The following CLMN variants were observed in gnomAD, a reference collection of about 807,000 sequenced individuals.
CLMN encodes the protein calmin, also known as calmin (calponin-like, transmembrane).
In CLMN, 57 loss-of-function variants were observed where a neutral mutation model predicts 92.7. The ratio of observed to expected loss-of-function variants is 0.61; its 90% CI spans 0.50 to 0.77. The LOEUF is 0.77. Ranked by LOEUF, CLMN falls within the 30% of genes least tolerant of loss-of-function variation. The probability of loss-of-function intolerance (pLI) is 0.00; values close to 1 mark genes in which losing one functional copy is unlikely to be tolerated. For missense variants in CLMN, 1,158 were observed against 1,237.5 expected, an observed-to-expected ratio of 0.94 and a Z score of 0.96; for synonymous variants, 466 against 470.6, an observed-to-expected ratio of 0.99 and a Z score of 0.13.
At chr14:95,311,842 C>CAG (rs1901555478) in intron 1 of CLMN, among the ~76,000 whole-genome samples, 1 of 151,988 alleles carries the variant, frequency 6.6e-6, no homozygotes, top group Non-Finnish European at 1.5e-5. Context: ...TCCAGGGATA[C>CAG]AGAACATAGA....
At chr14:95,272,023 A>C (rs1183000679) in intron 1 of CLMN, among the ~76,000 whole-genome samples, 13 of 152,210 alleles carry the variant, frequency 8.5e-5, no homozygotes, top group African/African-American at 3.1e-4. Context: ...TGTGACTATT[A>C]TGCAATTAAT....
chr14:95,195,666 G>A (rs1235052541), intron 10 of CLMN, among the ~76,000 whole-genome samples: 1 of 152,244 alleles, frequency 6.6e-6, no homozygotes, highest in Non-Finnish European at 1.5e-5. Context: ...GAAGTTACCT[G>A]GCCCCCTGAC....
chr14:95,280,949 C>T (rs1407130842), intron 1 of CLMN, among the ~76,000 whole-genome samples: 2 of 152,140 alleles, frequency 1.3e-5, no homozygotes, highest in Non-Finnish European at 2.9e-5. Context: ...CATCCACAGA[C>T]AATTGTTATC....
chr14:95,319,222 C>T (rs917317602), intron 1 of CLMN, among the ~76,000 whole-genome samples: 2 of 152,224 alleles, frequency 1.3e-5, no homozygotes, highest in East Asian at 3.9e-4. Context: ...CCCCTGGCCC[C>T]GCTTTCCCCA....
In CLMN at chr14:95,210,708, G is replaced by A. The variant is rs1262057993; in HGVS notation, c.780C>T (p.Ile260=). The change falls in exon 7 of 13, where the codon ATC becomes ATT. Residue 260 remains isoleucine (I), a synonymous_variant. Coordinates refer to ENST00000298912, the MANE Select transcript of CLMN (RefSeq NM_024734.4). ...TACCTTCTGGCTCCAGGAGCCTGGGGATGTGCAGGGCATCCTGTGCGATGC... is the reference window on the plus strand; with the variant it reads ...TACCTTCTGGCTCCAGGAGCCTGGGAATGTGCAGGGCATCCTGTGCGATGC... The part of the protein sequence containing the change: ...AFSIAQDALH[I]PRLLEPEDIM... The A allele has an allele frequency of 6.2e-7, 1 of 1,606,284 alleles. No individual in the cohort carries two copies. The highest frequency in any genetic ancestry group is 8.5e-7 in the Non-Finnish European group (1 of 1,176,898).
intron 8 of CLMN, among the ~76,000 whole-genome samples, chr14:95,208,029 G>A (rs1044518447): frequency 1.3e-5 from 2 of 152,192 alleles, no homozygotes; most frequent in Non-Finnish European, 2.9e-5. Flanking sequence ...ATGATACTGA[G>A]CCATGCTGGA....
At chr14:95,319,661 C>T (rs1240986015) in intron 1 of CLMN, 50 bp downstream of exon 1, 3 of 1,472,566 alleles carry the variant, frequency 2.0e-6, no homozygotes, top group Non-Finnish European at 2.8e-6. Context: ...AGCGGCGCCC[C>T]GGGCCCCCCG....
chr14:95,293,234 CTCCCTCCTTCCT>C (rs1311333414), intron 1 of CLMN, among the ~76,000 whole-genome samples: 1 of 75,908 alleles, frequency 1.3e-5, no homozygotes, highest in East Asian at 6.1e-4. Context: ...CTTTTCCTCC[CTCCCTCCTTCCT>C]TCCCTCCCTC....
chr14:95,200,441 G>T (rs1338286579), intron 9 of CLMN, among the ~76,000 whole-genome samples: 2 of 152,184 alleles, frequency 1.3e-5, no homozygotes, highest in South Asian at 4.2e-4. Flanking sequence ...TCATGGAGGG[G>T]CTGGAGAGGC....
At chr14:95,266,366 A>T (rs893256796) in intron 1 of CLMN, among the ~76,000 whole-genome samples, 3 of 152,262 alleles carry the variant, frequency 2.0e-5, no homozygotes, top group African/African-American at 7.2e-5. Flanking sequence ...TGTAGAATAC[A>T]AAACCAACAT....
intron 1 of CLMN, among the ~76,000 whole-genome samples, chr14:95,238,274 T>C (rs542560358): frequency 7.2e-5 from 11 of 152,376 alleles, no homozygotes; most frequent in African/African-American, 2.6e-4. Flanking sequence ...GCTGGTTCAC[T>C]TGAGAAATAA....
At chr14:95,282,126 T>G (rs1900164933) in intron 1 of CLMN, among the ~76,000 whole-genome samples, 1 of 152,238 alleles carries the variant, frequency 6.6e-6, no homozygotes, top group African/African-American at 2.4e-5. Flanking sequence ...TCAGTCACAG[T>G]TGCTGGAGAA....
At chr14:95,281,446 A>T (rs1900141323) in intron 1 of CLMN, among the ~76,000 whole-genome samples, 1 of 152,224 alleles carries the variant, frequency 6.6e-6, no homozygotes, top group Non-Finnish European at 1.5e-5. Flanking sequence ...AAGAAAAATT[A>T]TGTTTCAAAA....
intron 1 of CLMN, among the ~76,000 whole-genome samples, chr14:95,258,640 G>A (rs1304592414): frequency 1.4e-5 from 2 of 147,876 alleles, no homozygotes; most frequent in Non-Finnish European, 3.0e-5. Flanking sequence ...GGTGTGTGGT[G>A]TGTGTGTGGA....
At chr14:95,239,646 C>G (rs185228247) in intron 1 of CLMN, among the ~76,000 whole-genome samples, 1 of 152,290 alleles carries the variant, frequency 6.6e-6, no homozygotes, top group East Asian at 1.9e-4. Flanking sequence ...GAAGAGCTTG[C>G]TAAGTTTGGA....
At chr14:95,234,381 C>G (rs987742594) in intron 1 of CLMN, among the ~76,000 whole-genome samples, 6 of 152,204 alleles carry the variant, frequency 3.9e-5, no homozygotes, top group Admixed American at 2.0e-4. Flanking sequence ...CGCCCACCCC[C>G]CATCCTGCAG....
chr14:95,207,886 G>T (rs144989644), intron 8 of CLMN, among the ~76,000 whole-genome samples: 166 of 152,330 alleles, frequency 1.1e-3, no homozygotes, highest in African/African-American at 3.5e-3. Context: ...GCTGCATGTT[G>T]TAAGGGAAAC....
intron 1 of CLMN, among the ~76,000 whole-genome samples, chr14:95,305,439 G>C (rs1016886189): frequency 6.6e-6 from 1 of 152,184 alleles, no homozygotes; most frequent in Admixed American, 6.5e-5. Context: ...AAGAATAAGA[G>C]AGAGTTCTCG....
At chr14:95,318,068 G>A (rs1180646585) in intron 1 of CLMN, among the ~76,000 whole-genome samples, 1 of 152,018 alleles carries the variant, frequency 6.6e-6, no homozygotes, top group Non-Finnish European at 1.5e-5. Context: ...TCATATTGCG[G>A]GGCATCTCTT....
Sources: gnomAD v4.1 joint callset for allele counts (sites outside exome capture counted in the v4.1 genomes callset) on GRCh38, gnomAD v4.1.1 for gene constraint, MANE v1.5 for transcripts, NCBI Gene and HGNC (gene_info 2026-07-23, HGNC 2026-07-21) for gene names.